The following CTNND2 variants were observed in gnomAD, a reference collection of about 807,000 sequenced individuals.
CTNND2 encodes the protein catenin delta-2.
In CTNND2, 22 loss-of-function variants were observed where a neutral mutation model predicts 144.4. The ratio of observed to expected loss-of-function variants is 0.15; its 90% CI spans 0.11 to 0.22. The LOEUF (loss-of-function observed/expected upper bound fraction) is 0.22, where lower values mean the gene tolerates loss of function less well. CTNND2 is among the 10% of genes least tolerant of loss of function. The pLI, the probability that CTNND2 is intolerant of heterozygous loss-of-function variation, is 1.00. For synonymous variants in CTNND2, 751 were observed against 695.6 expected (o/e 1.08, Z -1.25); for missense variants, 1,353 against 1,618.8 (o/e 0.84, Z 2.82).
At chr5:11,477,332 G>A (rs1767839271) in intron 3 of CTNND2, among the ~76,000 whole-genome samples, 1 of 150,210 alleles carries the variant, frequency 6.7e-6, no homozygotes, top group African/African-American at 2.4e-5. Flanking sequence ...ACATATACCT[G>A]TTAGGGAGAC....
At chr5:11,102,250 TG>T (rs1751975635) in intron 14 of CTNND2, among the ~76,000 whole-genome samples, 1 of 152,206 alleles carries the variant, frequency 6.6e-6, no homozygotes, top group South Asian at 2.1e-4. Flanking sequence ...TTACACTTTG[TG>T]CAAGTCATTC....
chr5:11,186,600 A>G (rs1167141687), intron 11 of CTNND2, among the ~76,000 whole-genome samples: 1 of 152,196 alleles, frequency 6.6e-6, no homozygotes, highest in Non-Finnish European at 1.5e-5. Flanking sequence ...CATGTCTCCT[A>G]ATCCTCCACC....
intron 20 of CTNND2, chr5:10,986,614 GA>G (rs376372803): frequency 6.6e-6 from 3 of 455,694 alleles, no homozygotes; most frequent in African/African-American, 6.0e-5. Context: ...CATGTAAGGG[GA>G]AACAGTGAAT....
At chr5:11,145,208 T>C (rs1757128079) in intron 12 of CTNND2, among the ~76,000 whole-genome samples, 1 of 152,166 alleles carries the variant, frequency 6.6e-6, no homozygotes, top group Non-Finnish European at 1.5e-5. Flanking sequence ...TACATTCACA[T>C]TGTTGTGCCG....
intron 9 of CTNND2, among the ~76,000 whole-genome samples, chr5:11,343,356 A>T (rs32127): frequency 0.61 from 93,154 of 151,944 alleles, 28,861 homozygotes; most frequent in Admixed American, 0.71. Context: ...CAGAGAAGAG[A>T]TACTGGTCTA....
intron 2 of CTNND2, among the ~76,000 whole-genome samples, chr5:11,670,910 G>A (rs964525573): frequency 3.3e-5 from 5 of 152,086 alleles, no homozygotes; most frequent in African/African-American, 1.2e-4. Flanking sequence ...GTAGTGGTTG[G>A]TACTGGTTAT....
intron 16 of CTNND2, among the ~76,000 whole-genome samples, chr5:11,048,891 G>T (rs1451744720): frequency 6.6e-6 from 1 of 152,184 alleles, no homozygotes; most frequent in Admixed American, 6.5e-5. Context: ...TTGATATTTT[G>T]GGCTGGACCA....
Position 10,992,532 on chromosome 5 carries a change from A to T in CTNND2, c.3211+19T>A. The T allele has an allele frequency of 6.2e-7, 1 of 1,613,550 alleles. No individual in the cohort carries two copies. The highest frequency in any genetic ancestry group is 8.5e-7 in the Non-Finnish European group (1 of 1,179,984). On this transcript the variant is annotated intron_variant, in intron 19 of 21. Coordinates refer to ENST00000304623, the MANE Select transcript of CTNND2 (RefSeq NM_001332.4). ...AACGAGAAATAAAGCCTGGCTGGCT[A>T]GCCACGGCAGCCTCTTACCTGAGCG... is the stretch of plus-strand genomic sequence containing the variant.
In CTNND2 at chr5:11,381,996, AC is replaced by A. The variant is rs1242042029; in HGVS notation, c.1177+2668del. Among the ~76,000 whole-genome samples, 184 of 152,050 alleles carry A rather than the reference AC, an allele frequency of 1.2e-3. 4 individuals carry two copies. The highest frequency in any genetic ancestry group is 5.3e-4 in the Non-Finnish European group (36 of 67,966). On this transcript the variant is annotated intron_variant, in intron 7 of 21. Transcript: ENST00000304623. ...AAACAAAAAAACAAAACAAAACAAA[AC>A]AAAACAAAACAAAACTATTGGGTAC...
intron 1 of CTNND2, among the ~76,000 whole-genome samples, chr5:11,839,743 G>A (rs1247674390): frequency 6.6e-6 from 1 of 151,968 alleles, no homozygotes; most frequent in African/African-American, 2.4e-5. Flanking sequence ...CCAAAAGTGA[G>A]TGTCTCCAGA....
chr5:11,085,269 T>G (rs935888239), intron 15 of CTNND2, among the ~76,000 whole-genome samples: 8 of 152,216 alleles, frequency 5.3e-5, no homozygotes, highest in African/African-American at 1.9e-4. Flanking sequence ...GTGTTTTCCC[T>G]AAGAAAGAAA....
chr5:11,652,922 A>G (rs1782716955), intron 2 of CTNND2, among the ~76,000 whole-genome samples: 2 of 152,110 alleles, frequency 1.3e-5, no homozygotes, highest in Non-Finnish European at 2.9e-5. Context: ...TCTTTTTCTA[A>G]GGGTCCAATT....
chr5:11,390,184 C>T (rs1001527349), intron 6 of CTNND2, among the ~76,000 whole-genome samples: 2 of 152,120 alleles, frequency 1.3e-5, no homozygotes, highest in Admixed American at 6.5e-5. Context: ...GGAGATCTAT[C>T]GATGGAGTAT....
chr5:11,627,910 CAT>C (rs1207211421), intron 2 of CTNND2, among the ~76,000 whole-genome samples: 9 of 151,370 alleles, frequency 5.9e-5, no homozygotes. Flanking sequence ...AGATCCCTCA[CAT>C]GTGAAGTTCA....
chr5:11,630,036 T>C (rs528369485), intron 2 of CTNND2, among the ~76,000 whole-genome samples: 5 of 152,328 alleles, frequency 3.3e-5, no homozygotes, highest in East Asian at 3.9e-4. Context: ...ATGTTCCATA[T>C]GGTTTTCTAC....
At chr5:11,402,114 T>C (rs1477440298) in intron 5 of CTNND2, among the ~76,000 whole-genome samples, 1 of 152,160 alleles carries the variant, frequency 6.6e-6, no homozygotes, top group Non-Finnish European at 1.5e-5. Flanking sequence ...TAAAATGGCC[T>C]GCATGCAATA....
chr5:11,709,092 C>A (rs1019443204), intron 2 of CTNND2, among the ~76,000 whole-genome samples: 2 of 152,104 alleles, frequency 1.3e-5, no homozygotes, highest in Admixed American at 1.3e-4. Context: ...ATCGACTGTT[C>A]CCAAGAGAGC....
At chr5:10,991,963 G>T (rs1738725144) in intron 19 of CTNND2, among the ~76,000 whole-genome samples, 1 of 152,176 alleles carries the variant, frequency 6.6e-6, no homozygotes, top group Non-Finnish European at 1.5e-5. Flanking sequence ...TGTCACCCAG[G>T]CTGGGGTGCA....
At chr5:11,749,258 A>G (rs761950214) in intron 1 of CTNND2, among the ~76,000 whole-genome samples, 1 of 152,094 alleles carries the variant, frequency 6.6e-6, no homozygotes, top group Non-Finnish European at 1.5e-5. Flanking sequence ...CACAGAATCC[A>G]TGAGATAAAT....
Sources: allele counts gnomAD v4.1 joint callset (sites outside exome capture counted in the v4.1 genomes callset), GRCh38; gene constraint gnomAD v4.1.1; transcripts MANE v1.5; gene names NCBI Gene and HGNC (gene_info 2026-07-23, HGNC 2026-07-21).